Variants in ERC1 observed in about 807,000 individuals in gnomAD.
ERC1 encodes the protein RAB6 interacting protein 2.
A neutral mutation model predicts 132.0 loss-of-function variants in ERC1; 56 were observed. That is an observed-to-expected ratio of 0.42 (90% CI 0.34 to 0.53). The LOEUF is 0.53. ERC1 is among the 20% of genes least tolerant of loss of function. The probability of loss-of-function intolerance (pLI) is 0.03; values close to 1 mark genes in which losing one functional copy is unlikely to be tolerated. For synonymous variants in ERC1, 478 were observed against 476.1 expected (o/e 1.00, Z -0.05); for missense variants, 1,202 against 1,349.9 (o/e 0.89, Z 1.72).
chr12:1,274,484 A>T (rs868512144), intron 14 of ERC1, among the ~76,000 whole-genome samples: 12 of 147,750 alleles, frequency 8.1e-5, no homozygotes, highest in Non-Finnish European at 1.8e-4. Flanking sequence ...ATTTTATTTT[A>T]TTTATTTATT....
chr12:1,174,562 A>G (rs1012142718), intron 8 of ERC1, among the ~76,000 whole-genome samples: 2 of 152,244 alleles, frequency 1.3e-5, no homozygotes, highest in Non-Finnish European at 2.9e-5. Context: ...GTTTAACTAC[A>G]TATCAGGTAT....
At chr12:1,289,706 C>T in intron 14 of ERC1, 146 bp from the exon 15 acceptor site, 1 of 613,666 alleles carries the variant, frequency 1.6e-6, no homozygotes, top group South Asian at 2.0e-5. Context: ...TATACACACA[C>T]ATAACTGATC....
intron 14 of ERC1, among the ~76,000 whole-genome samples, chr12:1,274,379 G>A (rs1377551457): frequency 6.6e-6 from 1 of 152,094 alleles, no homozygotes. Context: ...TTTGATCCAT[G>A]CAAATAAAAA....
At chr12:1,440,436 G>A (rs574940690) in intron 17 of ERC1, among the ~76,000 whole-genome samples, 1 of 149,858 alleles carries the variant, frequency 6.7e-6, no homozygotes, top group Non-Finnish European at 1.5e-5. Context: ...TCGATCTCCT[G>A]ACCTCGTGAT....
At chr12:1,253,716 T>C (rs2076608892) in intron 13 of ERC1, among the ~76,000 whole-genome samples, 1 of 152,028 alleles carries the variant, frequency 6.6e-6, no homozygotes, top group Admixed American at 6.6e-5. Flanking sequence ...GTCTTACAGC[T>C]CAGTGATGTG....
intron 1 of ERC1, among the ~76,000 whole-genome samples, chr12:1,000,473 G>A (rs547776480): frequency 4.7e-5 from 7 of 149,798 alleles, no homozygotes; most frequent in Admixed American, 3.3e-4. Context: ...ATGACAGAGC[G>A]AGACCCTGTC....
At chr12:1,329,765 C>A (rs182421722) in intron 15 of ERC1, among the ~76,000 whole-genome samples, 1 of 152,126 alleles carries the variant, frequency 6.6e-6, no homozygotes, top group African/African-American at 2.4e-5. Flanking sequence ...AGGGTTATGT[C>A]AGAGGTGGAC....
At chr12:1,393,783 T>C (rs2090195805) in intron 16 of ERC1, among the ~76,000 whole-genome samples, 1 of 151,712 alleles carries the variant, frequency 6.6e-6, no homozygotes, top group South Asian at 2.1e-4. Context: ...ATCCCAGCAC[T>C]TTGGGAGGCC....
At chr12:1,387,643 G>A (rs1459779287) in intron 16 of ERC1, among the ~76,000 whole-genome samples, 1 of 152,162 alleles carries the variant, frequency 6.6e-6, no homozygotes, top group Non-Finnish European at 1.5e-5. Context: ...TAGACTGGGT[G>A]GCTATGAACC....
At chr12:1,351,291 A>T (rs184024574) in intron 15 of ERC1, among the ~76,000 whole-genome samples, 2 of 152,346 alleles carry the variant, frequency 1.3e-5, no homozygotes, top group East Asian at 3.9e-4. Context: ...AGTGTTGCCC[A>T]TGTTTTTCAA....
At chr12:1,282,682 A>G (rs1003688258) in intron 14 of ERC1, among the ~76,000 whole-genome samples, 80 of 152,218 alleles carry the variant, frequency 5.3e-4, no homozygotes, top group Non-Finnish European at 1.8e-4. Flanking sequence ...GTATGTAGGT[A>G]TATGTGTATA....
chr12:1,183,398 A>C lies in ERC1; in HGVS notation c.2134A>C (p.Lys712Gln). ...GGAGCAGAAGAAGGAGGAGTGTCTGAAAATGGAATCACAATTGAAAAAGGT... is the reference window on the plus strand; with the variant it reads ...GGAGCAGAAGAAGGAGGAGTGTCTGCAAATGGAATCACAATTGAAAAAGGT... ...ALEQKKEECLKMESQLKKAHE... is the reference protein window; with the variant it reads ...ALEQKKEECLQMESQLKKAHE... The change falls in exon 11 of 19, where the codon AAA (lysine) becomes CAA (glutamine). Residue 712 changes from lysine (K) to glutamine (Q), a missense_variant. Physicochemically the swap from Lys to Gln is moderately conservative, Grantham distance 53. Coordinates refer to ENST00000360905, the MANE Select transcript of ERC1 (RefSeq NM_178040.4). 1 of 1,577,096 alleles carries C rather than the reference A, an allele frequency of 6.3e-7. No individual in the cohort carries two copies. Among genetic ancestry groups the C allele is most frequent in the Non-Finnish European group, 8.6e-7 (1 of 1,156,112 alleles).
At chr12:1,397,455 A>G (rs1330586633) in intron 16 of ERC1, among the ~76,000 whole-genome samples, 3 of 152,248 alleles carry the variant, frequency 2.0e-5, no homozygotes, top group Admixed American at 6.5e-5. Flanking sequence ...TATATCCATC[A>G]GAGTGGAATA....
intron 2 of ERC1, among the ~76,000 whole-genome samples, chr12:1,031,554 G>A (rs986916697): frequency 3.9e-5 from 6 of 152,206 alleles, no homozygotes; most frequent in South Asian, 2.1e-4. Context: ...AGATTTCTAA[G>A]TAATTAGAAA....
intron 2 of ERC1, among the ~76,000 whole-genome samples, chr12:1,068,465 T>G (rs888058376): frequency 2.0e-5 from 3 of 149,516 alleles, no homozygotes; most frequent in Non-Finnish European, 3.0e-5. Flanking sequence ...CAAAAATAAT[T>G]ACTTTTCCCT....
At chr12:1,481,326 T>C (rs1323100654) in intron 18 of ERC1, among the ~76,000 whole-genome samples, 1 of 152,270 alleles carries the variant, frequency 6.6e-6, no homozygotes, top group Non-Finnish European at 1.5e-5. Context: ...TTTAGTTTGC[T>C]TTCTTCACAT....
rs184502373 is a variant in ERC1, at chr12:1,064,184, A to T, written c.670-18980A>T. ...ATTAGTCTGATGGAGATTCCCATAC[A>T]TGTGACTTGAGGATTTTCTCTTGCT... On this transcript the variant is annotated intron_variant, in intron 2 of 18. Transcript: ENST00000360905. Among the ~76,000 whole-genome samples the T allele has an allele frequency of 7.2e-3, 1,088 of 150,762 alleles. 11 individuals are homozygous for T. Among genetic ancestry groups the T allele is most frequent in the African/African-American group, 0.025 (1,042 of 41,014 alleles).
At chr12:1,053,083 CTT>C (rs1972318740) in intron 2 of ERC1, among the ~76,000 whole-genome samples, 1 of 151,856 alleles carries the variant, frequency 6.6e-6, no homozygotes, top group Admixed American at 6.6e-5. Flanking sequence ...TATCTAGAAA[CTT>C]GGGAGGGGAA....
At chr12:1,055,789 A>T (rs1221475831) in intron 2 of ERC1, among the ~76,000 whole-genome samples, 2 of 152,186 alleles carry the variant, frequency 1.3e-5, no homozygotes, top group Non-Finnish European at 2.9e-5. Flanking sequence ...GTAAAATGAA[A>T]ATAATGGTAC....
Sources: gnomAD v4.1 joint callset for allele counts (sites outside exome capture counted in the v4.1 genomes callset) on GRCh38, gnomAD v4.1.1 for gene constraint, MANE v1.5 for transcripts, NCBI Gene and HGNC (gene_info 2026-07-23, HGNC 2026-07-21) for gene names.